The following TBXAS1 variants were observed in gnomAD, a reference collection of about 807,000 sequenced individuals.
TBXAS1 encodes the protein thromboxane A synthase 1, also known as thromboxane-A synthase.
In TBXAS1, 48 loss-of-function variants were observed where a neutral mutation model predicts 60.7. That is an observed-to-expected ratio of 0.79 (90% CI 0.63 to 1.01). TBXAS1 has a LOEUF of 1.01. TBXAS1 is among the 50% of genes least tolerant of loss of function. The pLI is 0.00. For missense variants in TBXAS1, 685 were observed against 686.3 expected, an observed-to-expected ratio of 1.00 and a Z score of 0.02; for synonymous variants, 287 against 269.7, an observed-to-expected ratio of 1.06 and a Z score of -0.63.
rs76775900 is a variant in TBXAS1, at chr7:139,886,159, C to T, written c.236+10522C>T. ...CCTAGGGCAGATAATATAAACTTAA[C>T]TACGAAAATAAGTTCTTTGATTATT... On this transcript the variant is annotated intron_variant, in intron 3 of 12. Coordinates refer to ENST00000448866, the MANE Select transcript of TBXAS1 (RefSeq NM_001061.7). Among the ~76,000 whole-genome samples, 437 of 152,282 alleles carry T rather than the reference C, an allele frequency of 2.9e-3. 1 individual carries two copies. Among genetic ancestry groups the T allele is most frequent in the African/African-American group, 9.8e-3 (407 of 41,560 alleles).
chr7:139,927,017 G>A (rs1314840676), intron 4 of TBXAS1, among the ~76,000 whole-genome samples: 1 of 151,586 alleles, frequency 6.6e-6, no homozygotes, highest in Non-Finnish European at 1.5e-5. Context: ...TGTTTCTTGA[G>A]ACAGTCTCAC....
chr7:139,881,292 CA>C (rs1341210332), intron 3 of TBXAS1, among the ~76,000 whole-genome samples: 2 of 152,168 alleles, frequency 1.3e-5, no homozygotes, highest in Non-Finnish European at 2.9e-5. Flanking sequence ...TTGATTTTAA[CA>C]GTGTCTACAT....
rs563828205 is a variant in TBXAS1 at position 139,933,056 on chromosome 7, C to CA, written c.334-3127dup. Among the ~76,000 whole-genome samples, 79 of 151,382 alleles carry CA rather than the reference C, an allele frequency of 5.2e-4. No individual in the cohort carries two copies. The Middle Eastern group carries it at 0.024, about 46-fold the overall frequency. On this transcript the variant is annotated intron_variant, in intron 4 of 12. Coordinates refer to ENST00000448866, the MANE Select transcript of TBXAS1 (RefSeq NM_001061.7). ...TGGGTGACAGAGCAAGACCCTGTTT[C>CA]AAAAAAAATAAATAAAATGTTTTCA...
chr7:139,800,849 T>G (rs1797705144), intron 4 of TBXAS1, among the ~76,000 whole-genome samples: 2 of 152,230 alleles, frequency 1.3e-5, no homozygotes, highest in South Asian at 4.1e-4. Flanking sequence ...AGTTATCAAT[T>G]GCTTACTTGT....
Position 139,999,840 on chromosome 7 carries a change from A to G in TBXAS1, c.1135-7251A>G, listed in dbSNP as rs930678257. On this transcript the variant is annotated intron_variant, in intron 9 of 12. Transcript: ENST00000448866. The surrounding 1 kb of genome is among the most constrained non-coding windows in gnomAD (Gnocchi z 4.3). ...GATGCTGCTGTTCCTACTGCTCTGA[A>G]GAAGAAAACTGAAGCCACCTCTGCT... is the stretch of plus-strand genomic sequence containing the variant. Among the ~76,000 whole-genome samples the G allele has an allele frequency of 3.9e-5, 6 of 152,228 alleles. No homozygotes were observed. The highest frequency in any genetic ancestry group is 1.3e-4 in the Admixed American group (2 of 15,284).
At chr7:139,889,488 CT>C (rs978122164) in intron 3 of TBXAS1, among the ~76,000 whole-genome samples, 1 of 152,122 alleles carries the variant, frequency 6.6e-6, no homozygotes, top group African/African-American at 2.4e-5. Flanking sequence ...ATAGTTTTAT[CT>C]TTTTCTTAAT....
intron 1 of TBXAS1, among the ~76,000 whole-genome samples, chr7:139,849,445 T>G (rs1225737436): frequency 6.6e-6 from 1 of 151,636 alleles, no homozygotes; most frequent in African/African-American, 2.4e-5. Flanking sequence ...CAGATAGTGA[T>G]GCAGAATTTT....
At chr7:139,827,941 C>T (rs1304217529), upstream of TBXAS1, among the ~76,000 whole-genome samples, 1 of 152,218 alleles carries the variant, frequency 6.6e-6, no homozygotes, top group African/African-American at 2.4e-5. Flanking sequence ...CTCTGGATAA[C>T]CTGATGACAA....
At chr7:139,860,029 T>A (rs953595546) in intron 1 of TBXAS1, among the ~76,000 whole-genome samples, 9 of 152,068 alleles carry the variant, frequency 5.9e-5, no homozygotes, top group African/African-American at 2.2e-4. Context: ...GTCCTAGCTA[T>A]CCGGGAGGCT....
At chr7:139,922,381 C>T (rs1362259930) in intron 4 of TBXAS1, among the ~76,000 whole-genome samples, 2 of 151,724 alleles carry the variant, frequency 1.3e-5, no homozygotes, top group East Asian at 1.9e-4. Flanking sequence ...GGATTATAGG[C>T]GTGAGCCACC....
chr7:139,890,511 G>A lies in TBXAS1; in HGVS notation c.236+14874G>A, dbSNP rs1258545143. ...ATTACAGGCGTGAGCCACCGCGCCC[G>A]GCCAGGATGCAGTCTTTATTTGACC... On this transcript the variant is annotated intron_variant, in intron 3 of 12. Transcript: ENST00000448866. Among the ~76,000 whole-genome samples the A allele has an allele frequency of 5.3e-5, 8 of 152,138 alleles. No homozygotes were observed. The East Asian group carries it at 7.7e-4, about 15-fold the overall frequency.
intron 1 of TBXAS1, among the ~76,000 whole-genome samples, chr7:139,838,345 A>G (rs1355781806): frequency 6.6e-6 from 1 of 152,146 alleles, no homozygotes; most frequent in African/African-American, 2.4e-5. Context: ...CCTGGCACAT[A>G]GTTGGTGCCT....
At chr7:139,859,605 G>T (rs1003391923) in intron 1 of TBXAS1, among the ~76,000 whole-genome samples, 43 of 152,142 alleles carry the variant, frequency 2.8e-4, no homozygotes, top group Non-Finnish European at 1.0e-4. Flanking sequence ...TTATCTAAAA[G>T]AAATTGGGAA....
Position 140,013,635 on chromosome 7 carries a change from TG to T in TBXAS1, c.1227-2083del, listed in dbSNP as rs1310442282. Among the ~76,000 whole-genome samples, 2 of 152,158 alleles carry T rather than the reference TG, an allele frequency of 1.3e-5. No individual in the cohort carries two copies. The highest frequency in any genetic ancestry group is 1.3e-4 in the Admixed American group (2 of 15,270). On this transcript the variant is annotated intron_variant, in intron 10 of 12. Transcript: ENST00000448866. The surrounding 1 kb of genome is among the most constrained non-coding windows in gnomAD (Gnocchi z 4.2). The stretch of plus-strand genomic sequence containing the variant: ...CAGGCCTCACGGAGGAGACCCAAGC[TG>T]GGGGACTGGAAGGTGGTTCAGATTG...
At chr7:139,864,617 GA>G (rs558272392) in intron 1 of TBXAS1, among the ~76,000 whole-genome samples, 20 of 151,620 alleles carry the variant, frequency 1.3e-4, no homozygotes, top group Non-Finnish European at 1.8e-4. Context: ...ATAAAAAAGA[GA>G]AAAAAACAAA....
chr7:139,939,355 C>T (rs544303314), intron 5 of TBXAS1, among the ~76,000 whole-genome samples: 2 of 112,356 alleles, frequency 1.8e-5, no homozygotes, highest in East Asian at 2.9e-4. Context: ...CAGAGTAAGA[C>T]TCCAGACTCC....
At chr7:139,943,245 C>A (rs1010200939) in intron 5 of TBXAS1, among the ~76,000 whole-genome samples, 1 of 152,202 alleles carries the variant, frequency 6.6e-6, no homozygotes, top group African/African-American at 2.4e-5. Flanking sequence ...ATCAATACTT[C>A]AGAGTCCAAA....
chr7:139,879,545 GA>G (rs202073025), intron 3 of TBXAS1, among the ~76,000 whole-genome samples: 28 of 152,024 alleles, frequency 1.8e-4, no homozygotes, highest in Middle Eastern at 3.4e-3. Context: ...AACTCTGTAA[GA>G]ACAGAATCAA....
intron 9 of TBXAS1, among the ~76,000 whole-genome samples, chr7:139,965,630 C>T (rs1162912287): frequency 1.3e-5 from 2 of 152,020 alleles, no homozygotes; most frequent in African/African-American, 4.8e-5. Flanking sequence ...GCTCGGATCC[C>T]TCTTCCAAGA....
Sources: allele counts gnomAD v4.1 joint callset (sites outside exome capture counted in the v4.1 genomes callset), GRCh38; gene constraint gnomAD v4.1.1; non-coding constraint Gnocchi (gnomAD v3.1); transcripts MANE v1.5; gene names NCBI Gene and HGNC (gene_info 2026-07-23, HGNC 2026-07-21).